CATSPERD: variants seen among roughly 807,000 people sequenced by gnomAD.
CATSPERD encodes the protein cation channel sperm-associated auxiliary subunit delta.
Under a neutral mutation model 98.1 loss-of-function variants are expected in CATSPERD, and 86 were observed. The ratio of observed to expected loss-of-function variants is 0.88; its 90% CI spans 0.74 to 1.05. CATSPERD has a LOEUF of 1.05. Ranked by LOEUF, CATSPERD falls within the 50% of genes least tolerant of loss-of-function variation. The probability of loss-of-function intolerance (pLI) is 0.00; values close to 1 mark genes in which losing one functional copy is unlikely to be tolerated. For missense variants in CATSPERD, 995 were observed against 1,005.7 expected (o/e 0.99, Z 0.14); for synonymous variants, 394 against 390.2 (o/e 1.01, Z -0.12).
At position 5,728,125 on chromosome 19, in the gene CATSPERD, C is replaced by T. The variant is rs145716017; in HGVS notation, c.203+781C>T. Reference sequence around the variant, plus strand: ...CTGTAATCCCAGCACTTTGGGAGGCCGAGGTGGGGGGATCACGAGGTCAAG... The same window carrying T: ...CTGTAATCCCAGCACTTTGGGAGGCTGAGGTGGGGGGATCACGAGGTCAAG... On this transcript the variant is annotated intron_variant, in intron 3 of 21. Coordinates refer to ENST00000381624, the MANE Select transcript of CATSPERD (RefSeq NM_152784.4). Among the ~76,000 whole-genome samples, 1,069 of 150,118 alleles carry T rather than the reference C, an allele frequency of 7.1e-3. 10 individuals carry two copies. Among genetic ancestry groups the T allele is most frequent in the African/African-American group, 0.025 (1,010 of 40,862 alleles).
Position 5,745,970 on chromosome 19 carries a change from T to G in CATSPERD, c.715T>G (p.Tyr239Asp), listed in dbSNP as rs2056085321. The change falls in exon 9 of 22, where the codon TAT becomes GAT. Residue 239 changes from tyrosine to aspartate, a missense_variant. Tyr to Asp is a radical substitution (Grantham distance 160, BLOSUM62 -3). Transcript: ENST00000381624. ...LNRSFGLSFD[Y>D]NGTLDILIAP... ...CCGGAGTTTCGGGCTGTCTTTTGAC[T>G]ATAATGGGACTCTAGACATCCTCAT... is the stretch of plus-strand genomic sequence containing the variant. 3.1e-6 allele frequency: 5 copies of G among 1,614,178 alleles called. No homozygotes were observed. The East Asian group carries it at 1.1e-4, about 36-fold the overall frequency.
chr19:5,773,854 AG>A (rs1454755736), intron 20 of CATSPERD, among the ~76,000 whole-genome samples: 2 of 152,074 alleles, frequency 1.3e-5, no homozygotes, highest in Admixed American at 1.3e-4. Flanking sequence ...GTCCCTACAA[AG>A]AGATTGCATC....
chr19:5,744,572 A>G (rs1291474550), intron 8 of CATSPERD, 62 bp downstream of exon 8: 1 of 1,094,694 alleles, frequency 9.1e-7, no homozygotes, highest in Non-Finnish European at 1.3e-6. Context: ...GGTTTTTGTT[A>G]CAACTCGCAC....
intron 1 of CATSPERD, among the ~76,000 whole-genome samples, chr19:5,724,568 G>A (rs1050542016): frequency 1.3e-5 from 2 of 152,096 alleles, no homozygotes; most frequent in African/African-American, 2.4e-5. Context: ...GTGTTGTGGC[G>A]CGCGCCTGTA....
chr19:5,767,193 T>C (rs1002898956), intron 17 of CATSPERD, among the ~76,000 whole-genome samples: 1 of 148,788 alleles, frequency 6.7e-6, no homozygotes, highest in African/African-American at 2.5e-5. Context: ...GGCGGGTGCC[T>C]GTAGTCCCAG....
chr19:5,763,301 C>G lies in CATSPERD; in HGVS notation c.1506+8C>G, dbSNP rs1032759894. On this transcript the variant is annotated splice_region_variant and intron_variant, in intron 16 of 21. Coordinates refer to ENST00000381624, the MANE Select transcript of CATSPERD (RefSeq NM_152784.4). ...GTGGATATCAAGCCACTGGTAGGTC[C>G]CAAATCTTTGCTGTCCCATATTCGG... The G allele has an allele frequency of 6.2e-7, 1 of 1,610,702 alleles. No individual in the cohort carries two copies. The highest frequency in any genetic ancestry group is 1.3e-5 in the African/African-American group (1 of 74,808).
chr19:5,734,712 G>A (rs1046829230), intron 5 of CATSPERD, among the ~76,000 whole-genome samples: 3 of 151,962 alleles, frequency 2.0e-5, no homozygotes, highest in Non-Finnish European at 4.4e-5. Flanking sequence ...CGAGGCAGGA[G>A]GATCCCTTGA....
At chr19:5,722,266 C>T (rs922363085) in intron 1 of CATSPERD, among the ~76,000 whole-genome samples, 25 of 152,178 alleles carry the variant, frequency 1.6e-4, no homozygotes, top group African/African-American at 2.9e-4. Flanking sequence ...GGATTATGGG[C>T]GCCTGCCACC....
intron 18 of CATSPERD, among the ~76,000 whole-genome samples, chr19:5,768,928 C>A (rs918023033): frequency 6.6e-6 from 1 of 151,850 alleles, no homozygotes; most frequent in Non-Finnish European, 1.5e-5. Context: ...CCGAGGTAGG[C>A]GGATCACTTG....
In CATSPERD at chr19:5,778,628, G is replaced by GC; in HGVS notation, c.2354dup (p.Arg787ThrfsTer11). The GC allele has an allele frequency of 6.2e-7, 1 of 1,613,648 alleles. No individual in the cohort carries two copies. Among genetic ancestry groups the GC allele is most frequent in the Non-Finnish European group, 8.5e-7 (1 of 1,180,022 alleles). On this transcript the variant is annotated frameshift_variant, in exon 22 of 22. Transcript: ENST00000381624. LOFTEE classifies it low-confidence loss of function (END_TRUNC). The stretch of plus-strand genomic sequence containing the variant: ...CAGCCACAGCCAGGGCAGGCACAGA[G>GC]CCCCCGGGACGCCACCGCACTCCTC...
At position 5,740,771 on chromosome 19, in the gene CATSPERD, A is replaced by T. The variant is rs987304167; in HGVS notation, c.573+1332A>T. Among the ~76,000 whole-genome samples, 765 of 150,642 alleles carry T rather than the reference A, an allele frequency of 5.1e-3. 5 individuals are homozygous for T. Among genetic ancestry groups the T allele is most frequent in the Non-Finnish European group, 9.1e-3 (612 of 67,470 alleles). On this transcript the variant is annotated intron_variant, in intron 7 of 21. Coordinates refer to ENST00000381624, the MANE Select transcript of CATSPERD (RefSeq NM_152784.4). ...CAGAGAAACTCCGTCTCAAAAAAAA[A>T]AAAAAAAAAAAAAAAGCTAGCGCCC...
chr19:5,751,139 C>T (rs548937693), intron 11 of CATSPERD, among the ~76,000 whole-genome samples: 2 of 115,576 alleles, frequency 1.7e-5, no homozygotes, highest in South Asian at 2.9e-4. Context: ...CGGAGGTTGC[C>T]GTGGGCTGAG....
chr19:5,773,968 C>CTT lies in CATSPERD; in HGVS notation c.1941+1019_1941+1020dup, dbSNP rs71172771. 6.5e-3 allele frequency among the ~76,000 whole-genome samples: 778 copies of CTT among 120,348 alleles called. 12 individuals are homozygous for CTT. The highest frequency in any genetic ancestry group is 0.015 in the East Asian group (60 of 4,094). The allele number at this position is 120,348 out of a possible 152,430, so 79.0% of individuals were successfully genotyped here. ...TGTCCTGGCTCTTTTTTTGCATTTGCTTTTTTTTTTTTTTTTTGAGACGGA... is the reference window on the plus strand; with the variant it reads ...TGTCCTGGCTCTTTTTTTGCATTTGCTTTTTTTTTTTTTTTTTTTGAGACGGA... On this transcript the variant is annotated intron_variant, in intron 20 of 21. Transcript: ENST00000381624.
chr19:5,731,818 A>G (rs981660707), intron 4 of CATSPERD, among the ~76,000 whole-genome samples: 1 of 145,114 alleles, frequency 6.9e-6, no homozygotes, highest in Non-Finnish European at 1.5e-5. Flanking sequence ...CTCATGATCC[A>G]CCCGCCTCGG....
chr19:5,730,028 C>A (rs2055683785), intron 4 of CATSPERD, 84 bp downstream of exon 4: 2 of 837,882 alleles, frequency 2.4e-6, no homozygotes, highest in South Asian at 1.7e-5. Context: ...TCAGACTGGT[C>A]TGTTTTTATT....
chr19:5,749,013 A>T, intron 10 of CATSPERD, 88 bp from the exon 11 acceptor site: 1 of 1,093,424 alleles, frequency 9.1e-7, no homozygotes, highest in Non-Finnish European at 1.4e-6. Flanking sequence ...TACAGGCGTG[A>T]GCCACTGCAC....
chr19:5,771,082 CA>C lies in CATSPERD; in HGVS notation c.1763+11del, dbSNP rs762054143. 31 of 1,610,886 alleles carry C rather than the reference CA, an allele frequency of 1.9e-5. No homozygotes were observed. The highest frequency in any genetic ancestry group is 3.3e-4 in the Middle Eastern group (2 of 6,028). On this transcript the variant is annotated intron_variant, in intron 19 of 21. Coordinates refer to ENST00000381624, the MANE Select transcript of CATSPERD (RefSeq NM_152784.4). ...AGCCCGTGGTGGAGCTGTAAGACCC[CA>C]GGGGGGTGCTGCAGGGTGGGGACGG...
chr19:5,763,069 G>C, intron 15 of CATSPERD, 146 bp from the exon 16 acceptor site: 1 of 637,020 alleles, frequency 1.6e-6, no homozygotes, highest in South Asian at 1.9e-5. Flanking sequence ...TGGATGGATG[G>C]GTGGGTGGAA....
intron 9 of CATSPERD, among the ~76,000 whole-genome samples, chr19:5,746,454 A>C (rs1055942859): frequency 4.0e-5 from 6 of 151,002 alleles, no homozygotes; most frequent in South Asian, 2.1e-4. Flanking sequence ...TTTGAGACGG[A>C]GTCTCACTCT....
Sources: allele counts gnomAD v4.1 joint callset (sites outside exome capture counted in the v4.1 genomes callset), GRCh38; gene constraint gnomAD v4.1.1; transcripts MANE v1.5; gene names NCBI Gene and HGNC (gene_info 2026-07-23, HGNC 2026-07-21).